Variants in PTPRK observed in about 807,000 individuals in gnomAD.
PTPRK encodes receptor-type tyrosine-protein phosphatase kappa.
PTPRK carries 75 observed loss-of-function variants against 178.0 expected under a neutral mutation model. The observed-to-expected ratio is 0.42, with a 90% CI of 0.35 to 0.51. The LOEUF (loss-of-function observed/expected upper bound fraction) is 0.51, where lower values mean the gene tolerates loss of function less well. Ranked by LOEUF, PTPRK falls within the 20% of genes least tolerant of loss-of-function variation. The pLI, the probability that PTPRK is intolerant of heterozygous loss-of-function variation, is 0.02. For missense variants in PTPRK, 1,441 were observed against 1,797.8 expected, an observed-to-expected ratio of 0.80 and a Z score of 3.59; for synonymous variants, 637 against 620.6, an observed-to-expected ratio of 1.03 and a Z score of -0.39.
At chr6:128,176,843 A>G (rs1218056005) in intron 7 of PTPRK, among the ~76,000 whole-genome samples, 1 of 151,682 alleles carries the variant, frequency 6.6e-6, no homozygotes, top group Admixed American at 6.6e-5. Context: ...AGATTCATCC[A>G]TATATCATTT....
chr6:128,394,269 T>C (rs913073715), intron 2 of PTPRK, among the ~76,000 whole-genome samples: 1 of 152,218 alleles, frequency 6.6e-6, no homozygotes, highest in Non-Finnish European at 1.5e-5. Flanking sequence ...TACATTGCAC[T>C]GCTGACAGAC....
chr6:127,971,291 G>A (rs771343061), intron 29 of PTPRK, among the ~76,000 whole-genome samples: 15 of 152,088 alleles, frequency 9.9e-5, no homozygotes, highest in South Asian at 6.2e-4. Flanking sequence ...TCCCAACTCA[G>A]TTCATTCAAG....
At chr6:128,406,953 T>C (rs1222875804) in intron 1 of PTPRK, among the ~76,000 whole-genome samples, 1 of 152,172 alleles carries the variant, frequency 6.6e-6, no homozygotes, top group South Asian at 2.1e-4. Flanking sequence ...AAGGGGGGAA[T>C]AGTGAATGAA....
intron 1 of PTPRK, among the ~76,000 whole-genome samples, chr6:128,402,987 T>G (rs1250320672): frequency 6.6e-6 from 1 of 152,172 alleles, no homozygotes; most frequent in African/African-American, 2.4e-5. Flanking sequence ...TAGGTCTAAC[T>G]CCTTCATTAA....
chr6:128,472,828 C>G (rs945701489), intron 1 of PTPRK: 1 of 179,306 alleles, frequency 5.6e-6, no homozygotes, highest in African/African-American at 2.4e-5. Flanking sequence ...TCTAGTCTGC[C>G]ACCTGATTTC....
At chr6:128,032,893 G>T (rs961084514) in intron 13 of PTPRK, among the ~76,000 whole-genome samples, 17 of 152,076 alleles carry the variant, frequency 1.1e-4, no homozygotes, top group Non-Finnish European at 2.5e-4. Flanking sequence ...ATATTGCCTG[G>T]ACCTGACCCC....
At chr6:128,052,438 C>T (rs140436662) in intron 13 of PTPRK, among the ~76,000 whole-genome samples, 221 of 152,318 alleles carry the variant, frequency 1.5e-3, no homozygotes, top group Middle Eastern at 0.01. Flanking sequence ...CTTCAGCCTG[C>T]GCAGTCCAGC....
chr6:128,133,266 A>C (rs17055373), intron 7 of PTPRK, among the ~76,000 whole-genome samples: 3,875 of 152,310 alleles, frequency 0.025, 76 homozygotes, highest in Middle Eastern at 0.095. Flanking sequence ...GACAACGGAT[A>C]TCTACGGTTT....
At chr6:128,432,623 C>T (rs1036035502) in intron 1 of PTPRK, among the ~76,000 whole-genome samples, 1 of 151,994 alleles carries the variant, frequency 6.6e-6, no homozygotes, top group African/African-American at 2.4e-5. Context: ...TCATCAATTC[C>T]AGATTTTCAA....
At chr6:128,220,770 A>G (rs1810258915) in intron 5 of PTPRK, among the ~76,000 whole-genome samples, 1 of 152,234 alleles carries the variant, frequency 6.6e-6, no homozygotes, top group South Asian at 2.1e-4. Context: ...TAGCAAATAA[A>G]TAAACTGAAT....
chr6:128,110,566 G>A (rs1790484678), intron 7 of PTPRK, among the ~76,000 whole-genome samples: 1 of 151,902 alleles, frequency 6.6e-6, no homozygotes, highest in African/African-American at 2.4e-5. Context: ...TTCAACACTA[G>A]AGGAGCACAG....
intron 1 of PTPRK, among the ~76,000 whole-genome samples, chr6:128,462,062 C>G (rs1849118351): frequency 6.6e-6 from 1 of 152,090 alleles, no homozygotes. Context: ...CTCCTGCGCT[C>G]AAGCAATGCT....
At chr6:128,418,668 C>T (rs1487849153) in intron 1 of PTPRK, among the ~76,000 whole-genome samples, 1 of 152,070 alleles carries the variant, frequency 6.6e-6, no homozygotes, top group African/African-American at 2.4e-5. Context: ...AACCACTGTC[C>T]TAAAGCATCT....
intron 3 of PTPRK, among the ~76,000 whole-genome samples, chr6:128,285,958 C>T (rs946883300): frequency 1.3e-5 from 2 of 151,974 alleles, no homozygotes; most frequent in Non-Finnish European, 2.9e-5. Flanking sequence ...TTGTTCGAAC[C>T]GTGATCCACG....
chr6:128,475,405 C>CGA lies in PTPRK; in HGVS notation c.100+44852_100+44853dup, dbSNP rs1405664641. Among the ~76,000 whole-genome samples the CGA allele has an allele frequency of 1.8e-4, 28 of 152,084 alleles. 1 individual carries two copies. The highest frequency in any genetic ancestry group is 5.9e-4 in the Admixed American group (9 of 15,252). On this transcript the variant is annotated intron_variant, in intron 1 of 29. Transcript: ENST00000368226. ...CAGATAGATCACTTCGCGAGAACAG[C>CGA]GAAAGATAGATTGGTTAGGGGATGT...
intron 5 of PTPRK, among the ~76,000 whole-genome samples, chr6:128,225,665 G>C (rs1003080577): frequency 1.3e-5 from 2 of 151,868 alleles, no homozygotes; most frequent in South Asian, 4.2e-4. Context: ...CTTAAATTTA[G>C]AAATTTCTAA....
At chr6:128,500,765 T>C (rs149148143) in intron 1 of PTPRK, 53 of 152,320 alleles carry the variant, frequency 3.5e-4, no homozygotes, top group African/African-American at 1.1e-3. Flanking sequence ...GAGTTAAAAA[T>C]CTACATTTTG....
intron 1 of PTPRK, among the ~76,000 whole-genome samples, chr6:128,426,987 T>G (rs1352447071): frequency 6.6e-6 from 1 of 152,202 alleles, no homozygotes; most frequent in Non-Finnish European, 1.5e-5. Flanking sequence ...GCATAAGTTC[T>G]CTTTTCAAAA....
intron 1 of PTPRK, among the ~76,000 whole-genome samples, chr6:128,478,145 GA>G (rs1172131423): frequency 6.6e-6 from 1 of 152,034 alleles, no homozygotes; most frequent in Non-Finnish European, 1.5e-5. Context: ...ATTCAGTGGG[GA>G]AAAAAAGCAG....
Sources: allele counts gnomAD v4.1 joint callset (sites outside exome capture counted in the v4.1 genomes callset), GRCh38; gene constraint gnomAD v4.1.1; transcripts MANE v1.5; gene names NCBI Gene and HGNC (gene_info 2026-07-23, HGNC 2026-07-21).